The following EMILIN2 variants were observed in gnomAD, a reference collection of about 807,000 sequenced individuals.
EMILIN2 encodes the protein EMILIN-2.
Under a neutral mutation model 87.1 loss-of-function variants are expected in EMILIN2, and 71 were observed. The ratio of observed to expected loss-of-function variants is 0.82; its 90% CI spans 0.67 to 0.99. The LOEUF is 0.99. Among genes scored for constraint, EMILIN2 ranks in the 50% least tolerant of loss-of-function variants. EMILIN2 has a pLI of 0.00. For synonymous variants in EMILIN2, 581 were observed against 563.4 expected (o/e 1.03, Z -0.44); for missense variants, 1,407 against 1,371.8 (o/e 1.03, Z -0.40).
chr18:2,862,333 C>T (rs574482918), intron 2 of EMILIN2, among the ~76,000 whole-genome samples: 12 of 152,228 alleles, frequency 7.9e-5, no homozygotes, highest in African/African-American at 2.9e-4. Context: ...GGAATGCTTC[C>T]AGTTTTTGCC....
intron 4 of EMILIN2, among the ~76,000 whole-genome samples, chr18:2,897,889 T>G (rs1326556399): frequency 1.3e-5 from 2 of 149,820 alleles, no homozygotes; most frequent in African/African-American, 4.9e-5. Flanking sequence ...AGCCTAGAGA[T>G]CTCCCTTTTC....
At chr18:2,867,394 G>A (rs1047541159) in intron 2 of EMILIN2, among the ~76,000 whole-genome samples, 7 of 151,528 alleles carry the variant, frequency 4.6e-5, no homozygotes, top group East Asian at 1.9e-4. Context: ...GGTGTTTCTC[G>A]CAGAGGGGGA....
At position 2,884,987 on chromosome 18, in the gene EMILIN2, G is replaced by A; in HGVS notation, c.281G>A (p.Arg94Lys). The A allele has an allele frequency of 1.9e-6, 3 of 1,607,994 alleles. No individual in the cohort carries two copies. The highest frequency in any genetic ancestry group is 2.5e-6 in the Non-Finnish European group (3 of 1,177,152). ...ALVYRVNFRP[R>K]YVTRYKTVTQ... ...AGGTATCGAGTGAACTTCAGACCTAGATATGTCACTAGGTATAAGACAGTG... is the reference window on the plus strand; with the variant it reads ...AGGTATCGAGTGAACTTCAGACCTAAATATGTCACTAGGTATAAGACAGTG... The change falls in exon 3 of 8, where the codon AGA (arginine) becomes AAA (lysine). Residue 94 changes from arginine to lysine, a missense_variant. Coordinates refer to ENST00000254528, the MANE Select transcript of EMILIN2 (RefSeq NM_032048.3).
chr18:2,857,873 C>T (rs560793557), intron 2 of EMILIN2, among the ~76,000 whole-genome samples: 5 of 152,192 alleles, frequency 3.3e-5, no homozygotes, highest in Non-Finnish European at 5.9e-5. Flanking sequence ...TCAGGGCCCC[C>T]ACTCCACCAC....
chr18:2,867,365 T>G (rs376576184), intron 2 of EMILIN2, among the ~76,000 whole-genome samples: 1 of 149,762 alleles, frequency 6.7e-6, no homozygotes, highest in African/African-American at 2.4e-5. Context: ...TTTATTTATT[T>G]ATTTATTGAT....
rs1478167908 is a variant in EMILIN2, at chr18:2,847,108, GC to G, written c.-79del. The G allele has an allele frequency of 4.7e-6, 5 of 1,070,942 alleles. No individual in the cohort carries two copies. 66.3% of individuals were successfully genotyped at this position (1,070,942 alleles called of 1,614,324 possible). The stretch of plus-strand genomic sequence containing the variant: ...TCTTGCCTTCGCGGGCGGCGCCCTG[GC>G]CGCCGGCAGCCTTGTGGCCGGTGCC... On this transcript the variant is annotated 5_prime_UTR_variant, in exon 1 of 8. Coordinates refer to ENST00000254528, the MANE Select transcript of EMILIN2 (RefSeq NM_032048.3). This position sits in a 1 kb window ranked among gnomAD's most constrained non-coding sequence, Gnocchi z 4.5.
In EMILIN2 at chr18:2,848,511, T is replaced by C. The variant is rs1347693647; in HGVS notation, c.257+580T>C. ...CCCCGCAACTTAGATTTGGAGATTCTCTAGAGATTGTGGGAGAGAATGGCC... is the reference window on the plus strand; with the variant it reads ...CCCCGCAACTTAGATTTGGAGATTCCCTAGAGATTGTGGGAGAGAATGGCC... On this transcript the variant is annotated intron_variant, in intron 2 of 7. Coordinates refer to ENST00000254528, the MANE Select transcript of EMILIN2 (RefSeq NM_032048.3). The surrounding 1 kb of genome is among the most constrained non-coding windows in gnomAD (Gnocchi z 4.1). Among the ~76,000 whole-genome samples the C allele has an allele frequency of 6.6e-6, 1 of 151,828 alleles. No individual in the cohort carries two copies. Among genetic ancestry groups the C allele is most frequent in the African/African-American group, 2.4e-5 (1 of 41,306 alleles).
In EMILIN2 at chr18:2,891,781, A is replaced by ATT. The variant is rs2076838368; in HGVS notation, c.1656_1657dup (p.Cys553PhefsTer4). ...GGACAAAGTTCAAGTTGTTGAAGAC[A>ATT]TTTGCCTGCTGAACATCCAGGGAAA... is the stretch of plus-strand genomic sequence containing the variant. On this transcript the variant is annotated frameshift_variant, in exon 4 of 8. Coordinates refer to ENST00000254528, the MANE Select transcript of EMILIN2 (RefSeq NM_032048.3). LOFTEE classifies it high-confidence loss of function. This position sits in a 1 kb window ranked among gnomAD's most constrained non-coding sequence, Gnocchi z 4.6. 1 of 1,614,082 alleles carries ATT rather than the reference A, an allele frequency of 6.2e-7. No homozygotes were observed. Among genetic ancestry groups the ATT allele is most frequent in the African/African-American group, 1.3e-5 (1 of 74,922 alleles).
rs182373184 is a variant in EMILIN2 at position 2,873,623 on chromosome 18, C to T, written c.258-11341C>T. Reference sequence around the variant, plus strand: ...TCGGGAGGCTGAGGCAGGAGAATGGCGTGAACCCGGGAGGCGGAGCTTGCA... The same window carrying T: ...TCGGGAGGCTGAGGCAGGAGAATGGTGTGAACCCGGGAGGCGGAGCTTGCA... On this transcript the variant is annotated intron_variant, in intron 2 of 7. Transcript: ENST00000254528. Among the ~76,000 whole-genome samples the T allele has an allele frequency of 9.4e-3, 1,431 of 151,882 alleles. 20 individuals are homozygous for T. The highest frequency in any genetic ancestry group is 0.032 in the African/African-American group (1,324 of 41,314).
Position 2,913,140 on chromosome 18 carries a change from G to C in EMILIN2, c.2898G>C (p.Val966=). 1 of 1,613,942 alleles carries C rather than the reference G, an allele frequency of 6.2e-7. No individual in the cohort carries two copies. The highest frequency in any genetic ancestry group is 1.3e-5 in the African/African-American group (1 of 74,998). The change falls in exon 8 of 8, where the codon GTG becomes GTC. Residue 966 remains valine, a synonymous_variant. Coordinates refer to ENST00000254528, the MANE Select transcript of EMILIN2 (RefSeq NM_032048.3). ...TCACCCCCGAGAGAGACGCCTACGT[G>C]GAAGCAGTGCTGTCGGTCTCCAACG... ...ATLTPERDAY[V]EAVLSVSNAS...
intron 2 of EMILIN2, among the ~76,000 whole-genome samples, chr18:2,859,616 T>C (rs1441988609): frequency 2.6e-5 from 4 of 152,238 alleles, no homozygotes; most frequent in Admixed American, 2.6e-4. Context: ...GCATGTGCTT[T>C]TGCATTCTTG....
At chr18:2,858,236 TTA>T (rs1236898921) in intron 2 of EMILIN2, among the ~76,000 whole-genome samples, 2 of 151,588 alleles carry the variant, frequency 1.3e-5, no homozygotes, top group Non-Finnish European at 2.9e-5. Context: ...TAGTGGTGAT[TTA>T]TGAGATTTTG....
intron 2 of EMILIN2, among the ~76,000 whole-genome samples, chr18:2,858,583 G>GTGTGTGTGTGTGTATATA (rs1180735843): frequency 3.2e-5 from 2 of 63,040 alleles, no homozygotes; most frequent in African/African-American, 1.9e-4. Context: ...GTGTGTGTGT[G>GTGTGTGTGTGTGTATATA]TATATATATA....
chr18:2,894,059 G>A lies in EMILIN2; in HGVS notation c.2359+1573G>A, dbSNP rs1313174575. On this transcript the variant is annotated intron_variant, in intron 4 of 7. Coordinates refer to ENST00000254528, the MANE Select transcript of EMILIN2 (RefSeq NM_032048.3). The surrounding 1 kb of genome is among the most constrained non-coding windows in gnomAD (Gnocchi z 5.0). ...ACTTTTACCTCCCTGACCTGGTTCCGCTCTGGGTGACACAGGCCCTTGCAC... is the reference window on the plus strand; with the variant it reads ...ACTTTTACCTCCCTGACCTGGTTCCACTCTGGGTGACACAGGCCCTTGCAC... Among the ~76,000 whole-genome samples, 3 of 152,142 alleles carry A rather than the reference G, an allele frequency of 2.0e-5. No individual in the cohort carries two copies. The highest frequency in any genetic ancestry group is 1.9e-4 in the East Asian group (1 of 5,180).
chr18:2,846,551 T>C (rs1450845296), upstream of EMILIN2, among the ~76,000 whole-genome samples: 1 of 152,202 alleles, frequency 6.6e-6, no homozygotes. This position sits in a 1 kb window ranked among gnomAD's most constrained non-coding sequence, Gnocchi z 5.3. Context: ...TCTAGGTCCA[T>C]GGAGCTGGTG....
At chr18:2,861,381 C>A (rs971911959) in intron 2 of EMILIN2, among the ~76,000 whole-genome samples, 2 of 152,288 alleles carry the variant, frequency 1.3e-5, no homozygotes, top group African/African-American at 4.8e-5. Context: ...ACATTTAAGT[C>A]TTTAATCCAT....
chr18:2,861,356 A>G (rs2143969352), intron 2 of EMILIN2, among the ~76,000 whole-genome samples: 1 of 152,232 alleles, frequency 6.6e-6, no homozygotes, highest in East Asian at 1.9e-4. Flanking sequence ...TAGGGTTTTT[A>G]TGGTTTTAGG....
intron 2 of EMILIN2, among the ~76,000 whole-genome samples, chr18:2,872,373 T>C (rs2076724092): frequency 6.6e-6 from 1 of 152,168 alleles, no homozygotes; most frequent in African/African-American, 2.4e-5. Context: ...AGAGATATAG[T>C]CTTTGAAATT....
intron 2 of EMILIN2, among the ~76,000 whole-genome samples, chr18:2,858,583 G>GTATATATATATATATATATATGTGTA (rs1555665466): frequency 1.6e-5 from 1 of 63,038 alleles, no homozygotes; most frequent in South Asian, 5.9e-4. Flanking sequence ...GTGTGTGTGT[G>GTATATATATATATATATATATGTGTA]TATATATATA....
Sources: gnomAD v4.1 joint callset for allele counts (sites outside exome capture counted in the v4.1 genomes callset) on GRCh38, gnomAD v4.1.1 for gene constraint, Gnocchi (gnomAD v3.1) non-coding constraint, MANE v1.5 for transcripts, NCBI Gene and HGNC (gene_info 2026-07-23, HGNC 2026-07-21) for gene names.